KRT4: variants seen among roughly 807,000 people sequenced by gnomAD.
KRT4 encodes keratin 4, also known as keratin, type II cytoskeletal 4.
Under a neutral mutation model 50.6 loss-of-function variants are expected in KRT4, and 47 were observed. The observed-to-expected ratio is 0.93, with a 90% confidence interval of 0.73 to 1.18. KRT4 has a LOEUF of 1.18. Among genes scored for constraint, KRT4 ranks in the 50% most tolerant of loss-of-function variants. KRT4 has a pLI of 0.00. For synonymous variants in KRT4, 254 were observed against 251.2 expected (o/e 1.01, Z -0.10); for missense variants, 651 against 645.7 (o/e 1.01, Z -0.09).
chr12:52,808,967 A>C, intron 4 of KRT4, 117 bp from the exon 5 acceptor site: 1 of 1,091,746 alleles, frequency 9.2e-7, no homozygotes, highest in Non-Finnish European at 1.4e-6. Flanking sequence ...AGACAGGTAA[A>C]GTTCTAAGGA....
At chr12:52,810,843 A>G (rs1939898201) in intron 2 of KRT4, 27 bp from the exon 3 acceptor site, 28 of 1,572,554 alleles carry the variant, frequency 1.8e-5, no homozygotes, top group Non-Finnish European at 2.2e-5. Flanking sequence ...GGAGAAAAAG[A>G]CAAAAACCCA....
Position 52,809,485 on chromosome 12 carries a change from A to T in KRT4, c.739-7T>A. On this transcript the variant is annotated splice_region_variant and splice_polypyrimidine_tract_variant and intron_variant, in intron 3 of 8. Coordinates refer to ENST00000551956, the MANE Select transcript of KRT4 (RefSeq NM_002272.4). ...GGTAGGCAGCATCCACGTCCTGCAG[A>T]GGAGTAAGGAGGATAAGAGATGAGG... 1 of 1,599,900 alleles carries T rather than the reference A, an allele frequency of 6.3e-7. No individual in the cohort carries two copies. Among genetic ancestry groups the T allele is most frequent in the Non-Finnish European group, 8.6e-7 (1 of 1,166,976 alleles).
At chr12:52,812,662 T>C (rs987598281) in intron 1 of KRT4, among the ~76,000 whole-genome samples, 1 of 152,104 alleles carries the variant, frequency 6.6e-6, no homozygotes, top group Admixed American at 6.5e-5. Context: ...ACCCAAAAGG[T>C]AAAATGAGAT....
rs370214897 is a variant in KRT4 at position 52,813,793 on chromosome 12, A to G, written c.266T>C (p.Phe89Ser). Residue 89 changes from phenylalanine to serine, a missense_variant, in exon 1 of 9, where the codon TTT becomes TCT. Coordinates refer to ENST00000551956, the MANE Select transcript of KRT4 (RefSeq NM_002272.4). ...ACCCTTACCACTGAAGGAGCCCCCA[A>G]ATCCACCACCAAAGCCACCAGTGCC... ...GFGTGGFGGG[F>S]GGSFSGKGGP... 8.1e-5 allele frequency: 22 copies of G among 270,708 alleles called. No individual in the cohort carries two copies. The highest frequency in any genetic ancestry group is 1.6e-4 in the African/African-American group (1 of 6,154). 16.8% of individuals were successfully genotyped at this position (270,708 alleles called of 1,614,324 possible).
rs560034488 is a variant in KRT4 at position 52,809,760 on chromosome 12, C to G, written c.739-282G>C. Among the ~76,000 whole-genome samples the G allele has an allele frequency of 3.9e-5, 6 of 152,324 alleles. No homozygotes were observed. The South Asian group carries it at 1.0e-3, about 26-fold the overall frequency. On this transcript the variant is annotated intron_variant, in intron 3 of 8. Coordinates refer to ENST00000551956, the MANE Select transcript of KRT4 (RefSeq NM_002272.4). ...CAGCAATCCCAGTGCTGGAATTCCA[C>G]TCAAAGGAAAAGAAATCATTGTAAC...
intron 2 of KRT4, chr12:52,811,513 G>A: frequency 1.9e-6 from 1 of 517,042 alleles, no homozygotes; most frequent in South Asian, 2.1e-5. Context: ...ATCTATTTGG[G>A]TTCTGATCTT....
chr12:52,813,793 A>T lies in KRT4; in HGVS notation c.266T>A (p.Phe89Tyr). ...GFGTGGFGGG[F>Y]GGSFSGKGGP... ...ACCCTTACCACTGAAGGAGCCCCCA[A>T]ATCCACCACCAAAGCCACCAGTGCC... Residue 89 changes from phenylalanine to tyrosine, a missense_variant, in exon 1 of 9, where the codon TTT becomes TAT. Phe to Tyr is a conservative substitution (Grantham distance 22). Coordinates refer to ENST00000551956, the MANE Select transcript of KRT4 (RefSeq NM_002272.4). 1 of 270,700 alleles carries T rather than the reference A, an allele frequency of 3.7e-6. No homozygotes were observed. Among genetic ancestry groups the T allele is most frequent in the Non-Finnish European group, 5.4e-6 (1 of 184,090 alleles). The allele number at this position is 270,700 out of a possible 1,614,324, so 16.8% of individuals were successfully genotyped here.
chr12:52,811,596 A>T (rs1163607534), intron 2 of KRT4, 167 bp downstream of exon 2: 2 of 646,666 alleles, frequency 3.1e-6, no homozygotes, highest in Non-Finnish European at 5.5e-6. Flanking sequence ...TGGTTACCAG[A>T]CCTCACCCTG....
chr12:52,806,986 G>T lies in KRT4; in HGVS notation c.*83C>A. 1 of 1,314,984 alleles carries T rather than the reference G, an allele frequency of 7.6e-7. No homozygotes were observed. The highest frequency in any genetic ancestry group is 1.1e-6 in the Non-Finnish European group (1 of 911,836). 81.5% of individuals were successfully genotyped at this position (1,314,984 alleles called of 1,614,324 possible). A position where few individuals can be genotyped will look rare whatever the true frequency, so the allele number is the denominator to read the frequency against. The stretch of plus-strand genomic sequence containing the variant: ...TAGTAAGATGAGCCCCAGAGACAGA[G>T]GATGGAGGTGAAGTGAAGGAAGCAC... On this transcript the variant is annotated 3_prime_UTR_variant, in exon 9 of 9. Transcript: ENST00000551956.
chr12:52,807,814 A>T lies in KRT4; in HGVS notation c.1176T>A (p.Asn392Lys). ...SVADAEQRGE[N>K]ALKDAHSKRV... ...GCTTGCTGTGGGCATCTTTAAGGGC[A>T]TTCTCACCTCGCTGCTCTGCATCAG... The change falls in exon 7 of 9, where the codon AAT becomes AAA. Residue 392 changes from asparagine to lysine, a missense_variant. Physicochemically the swap from Asn to Lys is moderately conservative, Grantham distance 94. Coordinates refer to ENST00000551956, the MANE Select transcript of KRT4 (RefSeq NM_002272.4). 11 of 1,614,158 alleles carry T rather than the reference A, an allele frequency of 6.8e-6. No individual in the cohort carries two copies. Among genetic ancestry groups the T allele is most frequent in the Non-Finnish European group, 9.3e-6 (11 of 1,180,046 alleles).
At chr12:52,812,669 AG>A in intron 1 of KRT4, among the ~76,000 whole-genome samples, 1 of 152,346 alleles carries the variant, frequency 6.6e-6, no homozygotes, top group East Asian at 1.9e-4. Context: ...AGGTAAAATG[AG>A]ATGAGATGAG....
chr12:52,811,756 C>A lies in KRT4; in HGVS notation c.677+7G>T, dbSNP rs1220216141. 2 of 1,610,182 alleles carry A rather than the reference C, an allele frequency of 1.2e-6. No individual in the cohort carries two copies. Among genetic ancestry groups the A allele is most frequent in the African/African-American group, 2.7e-5 (2 of 74,832 alleles). ...CAGATGGCGTCCCCTCCTTCCTCCC[C>A]ATGTACTTAGTCTTGAAGTCCTCCA... On this transcript the variant is annotated splice_region_variant and intron_variant, in intron 2 of 8. Coordinates refer to ENST00000551956, the MANE Select transcript of KRT4 (RefSeq NM_002272.4).
In KRT4 at chr12:52,809,557, G is replaced by C. The variant is rs1247921242; in HGVS notation, c.739-79C>G. ...ACGGGTTACTAAGTGACACCGACAG[G>C]TGTTCTCAGCAGCATTTAGGAAAGA... On this transcript the variant is annotated intron_variant, in intron 3 of 8. Transcript: ENST00000551956. The C allele has an allele frequency of 6.0e-6, 6 of 999,148 alleles. No homozygotes were observed. The South Asian group carries it at 6.4e-5, about 11-fold the overall frequency. The allele number at this position is 999,148 out of a possible 1,614,324, so 61.9% of individuals were successfully genotyped here.
chr12:52,807,916 C>T (rs1460757296), intron 6 of KRT4, 52 bp from the exon 7 acceptor site: 1 of 1,493,650 alleles, frequency 6.7e-7, no homozygotes, highest in Non-Finnish European at 9.3e-7. Flanking sequence ...CCTTCAAGGC[C>T]TCTACACCTG....
At chr12:52,807,494 T>G in intron 7 of KRT4, 101 bp from the exon 8 acceptor site, 1 of 1,524,940 alleles carries the variant, frequency 6.6e-7, no homozygotes, top group African/African-American at 1.4e-5. Context: ...CCTCTGAGTT[T>G]GAGGGCCCAG....
At chr12:52,807,584 A>G (rs1043114484) in intron 7 of KRT4, 60 bp downstream of exon 7, 4 of 1,582,832 alleles carry the variant, frequency 2.5e-6, no homozygotes, top group Non-Finnish European at 3.5e-6. Flanking sequence ...AGAGGCATAA[A>G]TAAGCTCATG....
intron 3 of KRT4, among the ~76,000 whole-genome samples, chr12:52,810,031 C>T (rs571918996): frequency 5.3e-5 from 8 of 151,888 alleles, no homozygotes; most frequent in African/African-American, 1.7e-4. Context: ...CATGTCCTCA[C>T]TTATAAGTGG....
rs762228460 is a variant in KRT4, at chr12:52,808,247, C to T, written c.1125+47G>A. 8 of 1,611,748 alleles carry T rather than the reference C, an allele frequency of 5.0e-6. No individual in the cohort carries two copies. The Admixed American group carries it at 1.3e-4, about 27-fold the overall frequency. ...GCTTGTCCACTCTGGAGATGTCTGC[C>T]TGAGGCCCCTGGCCTTGTGCTCCAT... On this transcript the variant is annotated intron_variant, in intron 6 of 8. Coordinates refer to ENST00000551956, the MANE Select transcript of KRT4 (RefSeq NM_002272.4).
chr12:52,808,301 T>C lies in KRT4; in HGVS notation c.1118A>G (p.Lys373Arg). 6.2e-7 allele frequency: 1 copy of C among 1,614,160 alleles called. No homozygotes were observed. Among genetic ancestry groups the C allele is most frequent in the Non-Finnish European group, 8.5e-7 (1 of 1,180,038 alleles). ...GAAGGGAGTGACACCCACCTGCTTC[T>C]TGATGTTCTCGATCTCTGCCCGCAG... ...QRLRAEIENI[K>R]KQCQTLQVSV... The change falls in exon 6 of 9, where the codon AAG (lysine) becomes AGG (arginine). Residue 373 changes from lysine (K) to arginine (R), a missense_variant. By Grantham distance (26) the Lys-to-Arg change is conservative (BLOSUM62 2). Coordinates refer to ENST00000551956, the MANE Select transcript of KRT4 (RefSeq NM_002272.4).
Sources: gnomAD v4.1 joint callset for allele counts (sites outside exome capture counted in the v4.1 genomes callset) on GRCh38, gnomAD v4.1.1 for gene constraint, MANE v1.5 for transcripts, NCBI Gene and HGNC (gene_info 2026-07-23, HGNC 2026-07-21) for gene names.